Variants in GFRA1 observed in about 807,000 individuals in gnomAD.
The protein encoded by GFRA1 is GDNF family receptor alpha 1, also known as GDNF family receptor alpha-1.
GFRA1 carries 16 observed loss-of-function variants against 51.6 expected under a neutral mutation model. The ratio of observed to expected loss-of-function variants is 0.31; its 90% CI spans 0.21 to 0.47. The LOEUF is 0.47. GFRA1 is among the 20% of genes least tolerant of loss of function. GFRA1 has a pLI of 1.00. For missense variants in GFRA1, 530 were observed against 594.3 expected (o/e 0.89, Z 1.13); for synonymous variants, 270 against 241.3 (o/e 1.12, Z -1.10).
In GFRA1 at chr10:116,063,742, A is replaced by G. The variant is rs1371820095; in HGVS notation, c.*656T>C. ...TCTCTATTTTGACGAAAAGACAGAT[A>G]CTATATTTGGATGTGACAGGTGTTT... On this transcript the variant is annotated 3_prime_UTR_variant, in exon 11 of 11. Coordinates refer to ENST00000355422, the MANE Select transcript of GFRA1 (RefSeq NM_005264.8). 6.6e-6 allele frequency: 1 copy of G among 152,330 alleles called. No individual in the cohort carries two copies. Among genetic ancestry groups the G allele is most frequent in the Non-Finnish European group, 1.5e-5 (1 of 68,168 alleles). 9.4% of individuals were successfully genotyped at this position (152,330 alleles called of 1,614,324 possible). A position where few individuals can be genotyped will look rare whatever the true frequency, so the allele number is the denominator to read the frequency against.
intron 5 of GFRA1, among the ~76,000 whole-genome samples, chr10:116,155,351 C>T (rs553311886): frequency 1.4e-4 from 21 of 152,208 alleles, no homozygotes; most frequent in African/African-American, 4.8e-4. Flanking sequence ...ATCTTTCCCC[C>T]TCTAGCAGAG....
chr10:116,109,257 A>G (rs1957108577), intron 6 of GFRA1, among the ~76,000 whole-genome samples: 1 of 152,120 alleles, frequency 6.6e-6, no homozygotes. Flanking sequence ...ACGCACCCGC[A>G]CAGCACTGAA....
At chr10:116,269,696 G>C in intron 3 of GFRA1, 110 bp from the exon 4 acceptor site, 1 of 732,626 alleles carries the variant, frequency 1.4e-6, no homozygotes, top group Non-Finnish European at 2.5e-6. Context: ...ACAAAAAGAC[G>C]CTGAAACTTT....
intron 7 of GFRA1, among the ~76,000 whole-genome samples, chr10:116,094,633 A>G (rs374702388): frequency 2.9e-4 from 44 of 152,324 alleles, no homozygotes; most frequent in African/African-American, 5.5e-4. Flanking sequence ...TTGTTTTTAT[A>G]TATTTTCTGG....
At chr10:116,244,821 A>G (rs1357682617) in intron 4 of GFRA1, among the ~76,000 whole-genome samples, 1 of 152,190 alleles carries the variant, frequency 6.6e-6, no homozygotes, top group African/African-American at 2.4e-5. Flanking sequence ...ATTTTCCAGA[A>G]GTAAACAAAA....
chr10:116,258,669 C>T (rs535498314), intron 4 of GFRA1, among the ~76,000 whole-genome samples: 4 of 152,136 alleles, frequency 2.6e-5, no homozygotes, highest in African/African-American at 9.6e-5. Flanking sequence ...AGCCAGCCTT[C>T]CTGGATGAGA....
intron 2 of GFRA1, among the ~76,000 whole-genome samples, chr10:116,271,731 C>G (rs1843956345): frequency 6.6e-6 from 1 of 152,320 alleles, no homozygotes; most frequent in East Asian, 1.9e-4. Flanking sequence ...GGCTGGAGGG[C>G]TTCTTAGTCC....
intron 4 of GFRA1, among the ~76,000 whole-genome samples, chr10:116,234,132 C>T (rs74398083): frequency 0.15 from 22,700 of 152,208 alleles, 2,094 homozygotes; most frequent in African/African-American, 0.26. Context: ...AGCTCAGCTA[C>T]TCAACTGTCT....
At chr10:116,262,721 A>G (rs1472306869) in intron 4 of GFRA1, among the ~76,000 whole-genome samples, 1 of 152,206 alleles carries the variant, frequency 6.6e-6, no homozygotes, top group African/African-American at 2.4e-5. Flanking sequence ...GGAGAGAATA[A>G]AAACCAAAAG....
At chr10:116,192,854 G>A (rs776908384) in intron 5 of GFRA1, among the ~76,000 whole-genome samples, 4 of 152,200 alleles carry the variant, frequency 2.6e-5, no homozygotes, top group Non-Finnish European at 5.9e-5. Flanking sequence ...CCAAGGCTGG[G>A]GAAACAGAGG....
intron 5 of GFRA1, among the ~76,000 whole-genome samples, chr10:116,210,408 C>A (rs1361880358): frequency 1.3e-5 from 2 of 152,184 alleles, no homozygotes; most frequent in African/African-American, 2.4e-5. Context: ...ACTGACCCCC[C>A]AGTTTGTGAA....
rs1555142296 is a variant in GFRA1 at position 116,064,413 on chromosome 10, T to TAAAG, written c.1379_1382dup (p.Leu461PhefsTer18). 6.2e-7 allele frequency: 1 copy of TAAAG among 1,612,690 alleles called. No individual in the cohort carries two copies. The highest frequency in any genetic ancestry group is 8.5e-7 in the Non-Finnish European group (1 of 1,179,810). ...TTTAATGCAGCTATGATGTTTCTGTTAAAGATAATAGGGTGGACAGAGCGG... is the reference window on the plus strand; with the variant it reads ...TTTAATGCAGCTATGATGTTTCTGTTAAAGAAAGATAATAGGGTGGACAGAGCGG... On this transcript the variant is annotated frameshift_variant, in exon 11 of 11. Transcript: ENST00000355422. LOFTEE classifies it high-confidence loss of function.
chr10:116,070,302 T>C (rs533592900), intron 9 of GFRA1, among the ~76,000 whole-genome samples: 26 of 152,292 alleles, frequency 1.7e-4, no homozygotes, highest in Non-Finnish European at 3.5e-4. Context: ...ACTCACTAAG[T>C]ACCTAGCTGC....
chr10:116,146,896 C>T (rs1281842255), intron 5 of GFRA1, among the ~76,000 whole-genome samples: 2 of 152,302 alleles, frequency 1.3e-5, no homozygotes, highest in East Asian at 1.9e-4. Flanking sequence ...TGTAAATGCA[C>T]TACAAGGGCC....
intron 5 of GFRA1, among the ~76,000 whole-genome samples, chr10:116,162,005 T>C (rs1262153030): frequency 6.6e-6 from 1 of 152,248 alleles, no homozygotes. Flanking sequence ...ACCCCCTTGC[T>C]GAGAAGAGGA....
Position 116,125,338 on chromosome 10 carries a change from T to A in GFRA1, c.653A>T (p.Asp218Val), listed in dbSNP as rs774795416. Residue 218 changes from aspartate (D) to valine (V), a missense_variant, in exon 6 of 11, where the codon GAC (aspartate) becomes GTC (valine). Physicochemically the swap from Asp to Val is radical, Grantham distance 152. Transcript: ENST00000355422. ...SYGMLFCSCR[D>V]IACTERRRQT... ...TCGCCTCCGCTCTGTGCAGGCGATG[T>A]CCCGGCAGGAGCAGAAGAGCATTCC... is the stretch of plus-strand genomic sequence containing the variant. The A allele has an allele frequency of 2.5e-6, 4 of 1,614,248 alleles. No homozygotes were observed.
intron 5 of GFRA1, among the ~76,000 whole-genome samples, chr10:116,188,204 G>C (rs945025903): frequency 2.0e-5 from 3 of 152,152 alleles, no homozygotes; most frequent in Non-Finnish European, 4.4e-5. Context: ...TTTAAGCTGA[G>C]ACCTGTGGGA....
chr10:116,145,148 CAAAAAAAAAAAA>C (rs58509181), intron 5 of GFRA1, among the ~76,000 whole-genome samples: 1 of 28,738 alleles, frequency 3.5e-5, no homozygotes, highest in African/African-American at 1.5e-4. Flanking sequence ...GACTCTGTCT[CAAAAAAAAAAAA>C]AAAAAAAAAA....
chr10:116,268,509 T>G (rs1303192111), intron 4 of GFRA1, among the ~76,000 whole-genome samples: 1 of 152,192 alleles, frequency 6.6e-6, no homozygotes, highest in African/African-American at 2.4e-5. Flanking sequence ...GGTGAATGGA[T>G]GAATGCATGT....
Sources: gnomAD v4.1 joint callset for allele counts (sites outside exome capture counted in the v4.1 genomes callset) on GRCh38, gnomAD v4.1.1 for gene constraint, MANE v1.5 for transcripts, NCBI Gene and HGNC (gene_info 2026-07-23, HGNC 2026-07-21) for gene names.